Variants in SPATA7 observed in about 807,000 individuals in gnomAD.
SPATA7 encodes spermatogenesis associated 7.
A neutral mutation model predicts 51.8 loss-of-function variants in SPATA7; 43 were observed. That is an observed-to-expected ratio of 0.83 (90% CI 0.65 to 1.07). The LOEUF (loss-of-function observed/expected upper bound fraction) is 1.07. SPATA7 is among the 50% of genes least tolerant of loss of function. The pLI is 0.00. For synonymous variants in SPATA7, 230 were observed against 252.8 expected (o/e 0.91, Z 0.86); for missense variants, 683 against 701.3 (o/e 0.97, Z 0.30).
rs771253475 is a variant in SPATA7 at position 88,469,049 on chromosome 14, C to T, written c.255-798C>T. The T allele has an allele frequency of 6.8e-6, 11 of 1,613,762 alleles. No individual in the cohort carries two copies. Among genetic ancestry groups the T allele is most frequent in the South Asian group, 2.2e-5 (2 of 91,048 alleles). On this transcript the variant is annotated intron_variant, in intron 4 of 4. Coordinates refer to the SPATA7 transcript ENST00000556406. The surrounding 1 kb of genome is among the most constrained non-coding windows in gnomAD (Gnocchi z 4.3). ...ATCACTTGTGCTATTTGTATGGCGT[C>T]GAACAGACTGGATCTCTTCAAGATA...
chr14:88,440,958 G>C (rs891962153), downstream of SPATA7, among the ~76,000 whole-genome samples: 5 of 152,032 alleles, frequency 3.3e-5, no homozygotes, highest in African/African-American at 1.2e-4. Flanking sequence ...CCAATGTGTA[G>C]TCTTTTATCC....
chr14:88,455,631 C>T (rs995687224), downstream of SPATA7, among the ~76,000 whole-genome samples: 1 of 152,094 alleles, frequency 6.6e-6, no homozygotes, highest in East Asian at 1.9e-4. Flanking sequence ...TGATTATAAA[C>T]TTTTACATTA....
At chr14:88,395,702 A>T (rs1381869850) in intron 3 of SPATA7, among the ~76,000 whole-genome samples, 2 of 152,030 alleles carry the variant, frequency 1.3e-5, no homozygotes, top group Non-Finnish European at 2.9e-5. Context: ...TAATTGTCCT[A>T]GTACTTTTTG....
chr14:88,429,539 G>A lies in SPATA7; in HGVS notation c.1028+76G>A, dbSNP rs189976718. 1,169 of 906,276 alleles carry A rather than the reference G, an allele frequency of 1.3e-3. 17 individuals are homozygous for A. In the East Asian group the frequency reaches 0.025, roughly 19 times the overall value. The allele number at this position is 906,276 out of a possible 1,614,324, so 56.1% of individuals were successfully genotyped here. A position where few individuals can be genotyped will look rare whatever the true frequency, so the allele number is the denominator to read the frequency against. Reference sequence around the variant, plus strand: ...GTATAACAGACATATAGTATTTGCCGCATAAGTACTATTTAATTGCATGCT... The same window carrying A: ...GTATAACAGACATATAGTATTTGCCACATAAGTACTATTTAATTGCATGCT... On this transcript the variant is annotated intron_variant, in intron 8 of 11. Transcript: ENST00000393545.
In SPATA7 at chr14:88,438,095, T is replaced by TTTTAA. The variant is rs1282463033; in HGVS notation, c.1475_1476insTAATT (p.Met493AsnfsTer15). On this transcript the variant is annotated frameshift_variant, in exon 12 of 12. Coordinates refer to ENST00000393545, the MANE Select transcript of SPATA7 (RefSeq NM_018418.5). LOFTEE classifies it low-confidence loss of function (END_TRUNC). Reference sequence around the variant, plus strand: ...AGATATTCCCTTCACCAACTGAATTTTTCATGCCTATTTATAAATCAAAGC... The same window carrying TTTTAA: ...AGATATTCCCTTCACCAACTGAATTTTTTAATTCATGCCTATTTATAAATCAAAGC... The TTTTAA allele has an allele frequency of 6.2e-7, 1 of 1,614,140 alleles. No homozygotes were observed.
intron 4 of SPATA7, among the ~76,000 whole-genome samples, chr14:88,397,643 GA>G (rs762638350): frequency 0.047 from 3,309 of 70,736 alleles, 116 homozygotes; most frequent in Admixed American, 0.21. Context: ...GCTGTCTCAA[GA>G]AAAAAAAAAA....
chr14:88,391,378 AAGTC>A lies in SPATA7; in HGVS notation c.20_23del (p.Val7GlufsTer19), dbSNP rs527236050. On this transcript the variant is annotated splice_acceptor_variant and coding_sequence_variant, in exon 2 of 12. Transcript: ENST00000393545. LOFTEE classifies it high-confidence loss of function. ...ATTTATGATTTTTTTTTCTTGTTAA[AAGTC>A]AGAGCAACCTCTGTCCTTCCCAGAT... 2.4e-4 allele frequency: 392 copies of A among 1,611,534 alleles called. 3 individuals are homozygous for A. The East Asian group carries it at 8.2e-3, about 34-fold the overall frequency.
chr14:88,446,740 T>C (rs530690556), intron 3 of SPATA7, among the ~76,000 whole-genome samples: 2 of 152,356 alleles, frequency 1.3e-5, no homozygotes, highest in South Asian at 4.1e-4. Context: ...TTTTGTTATG[T>C]ACCCAGTAGT....
intron 4 of SPATA7, chr14:88,468,161 G>C: frequency 6.2e-7 from 1 of 1,613,916 alleles, no homozygotes; most frequent in South Asian, 1.1e-5. Flanking sequence ...AGCTTTTCAG[G>C]AACTGGATGA....
chr14:88,436,475 A>T (rs192937049), intron 10 of SPATA7, among the ~76,000 whole-genome samples: 1 of 152,120 alleles, frequency 6.6e-6, no homozygotes, highest in Admixed American at 6.5e-5. Flanking sequence ...TGCTTGTGGG[A>T]TATTACTCAA....
chr14:88,442,940 A>ATTT (rs201523703), downstream of SPATA7, among the ~76,000 whole-genome samples: 1 of 124,272 alleles, frequency 8.0e-6, no homozygotes, highest in Admixed American at 8.3e-5. Context: ...TTTGTTAGTA[A>ATTT]TTTTTTTTTT....
intron 8 of SPATA7, among the ~76,000 whole-genome samples, chr14:88,430,330 T>C (rs376101308): frequency 1.3e-5 from 2 of 152,178 alleles, no homozygotes; most frequent in East Asian, 1.9e-4. Flanking sequence ...AAATTTCTGA[T>C]GTTTCAACAC....
At chr14:88,434,724 A>G (rs1263382848) in intron 10 of SPATA7, among the ~76,000 whole-genome samples, 1 of 151,982 alleles carries the variant, frequency 6.6e-6, no homozygotes, top group African/African-American at 2.4e-5. Context: ...AAGAAAAAAC[A>G]AGATAGATAC....
chr14:88,446,215 G>A (rs533029049), intron 3 of SPATA7, among the ~76,000 whole-genome samples: 3,827 of 151,874 alleles, frequency 0.025, 169 homozygotes, highest in African/African-American at 0.088. Context: ...GTCTTGGGAG[G>A]GTGTATGTGT....
At chr14:88,444,990 A>G (rs968371483) in intron 3 of SPATA7, among the ~76,000 whole-genome samples, 18 of 152,024 alleles carry the variant, frequency 1.2e-4, no homozygotes, top group African/African-American at 4.3e-4. Flanking sequence ...TTCCATATGA[A>G]CTTTAAAGTA....
chr14:88,387,258 T>A (rs2075606882), intron 1 of SPATA7, among the ~76,000 whole-genome samples: 1 of 152,210 alleles, frequency 6.6e-6, no homozygotes, highest in African/African-American at 2.4e-5. Context: ...TAGTAAGTTG[T>A]CAGTATTTGT....
intron 4 of SPATA7, among the ~76,000 whole-genome samples, chr14:88,408,317 G>A (rs1007169748): frequency 1.3e-5 from 2 of 152,046 alleles, no homozygotes; most frequent in Admixed American, 6.6e-5. Flanking sequence ...CTTTGAAGAG[G>A]TCCTTCACAT....
chr14:88,408,987 A>G (rs2076268693), intron 4 of SPATA7, among the ~76,000 whole-genome samples: 1 of 152,038 alleles, frequency 6.6e-6, no homozygotes, highest in Non-Finnish European at 1.5e-5. Context: ...AAGCTTTTTG[A>G]TGTGCTGCTG....
At chr14:88,387,800 A>G (rs1220659415) in intron 1 of SPATA7, among the ~76,000 whole-genome samples, 1 of 152,186 alleles carries the variant, frequency 6.6e-6, no homozygotes, top group East Asian at 1.9e-4. Context: ...GGTATATATA[A>G]GGCATGGTTT....
Sources: gnomAD v4.1 joint callset for allele counts (sites outside exome capture counted in the v4.1 genomes callset) on GRCh38, gnomAD v4.1.1 for gene constraint, Gnocchi (gnomAD v3.1) non-coding constraint, MANE v1.5 for transcripts, NCBI Gene and HGNC (gene_info 2026-07-23, HGNC 2026-07-21) for gene names.